Variants in CSMD1 observed in about 807,000 individuals in gnomAD.
CSMD1 encodes CUB and sushi domain-containing protein 1.
In CSMD1, 213 loss-of-function variants were observed where a neutral mutation model predicts 417.5. The ratio of observed to expected loss-of-function variants is 0.51; its 90% confidence interval spans 0.46 to 0.57. CSMD1 has a LOEUF of 0.57. CSMD1 is among the 20% of genes least tolerant of loss of function. CSMD1 has a pLI of 0.00. For synonymous variants in CSMD1, 2,862 were observed against 1,736.8 expected (o/e 1.65, Z -16.11); for missense variants, 6,923 against 4,529.7 (o/e 1.53, Z -15.17).
intron 1 of CSMD1, among the ~76,000 whole-genome samples, chr8:4,835,392 C>T (rs1022647406): frequency 6.6e-6 from 1 of 152,144 alleles, no homozygotes; most frequent in Non-Finnish European, 1.5e-5. Flanking sequence ...GGAAGCTGAG[C>T]ATATGATTTC....
At chr8:4,390,863 T>C (rs913498425) in intron 3 of CSMD1, among the ~76,000 whole-genome samples, 2 of 152,094 alleles carry the variant, frequency 1.3e-5, no homozygotes, top group Non-Finnish European at 2.9e-5. Context: ...TTTTAAGGTG[T>C]ACCTCACATG....
chr8:4,663,871 G>C (rs757417325), intron 1 of CSMD1, among the ~76,000 whole-genome samples: 3 of 152,148 alleles, frequency 2.0e-5, no homozygotes, highest in East Asian at 3.9e-4. Context: ...ACCTGGGCTG[G>C]ATCAGGAAAA....
At chr8:4,497,546 G>C (rs1047450047) in intron 2 of CSMD1, among the ~76,000 whole-genome samples, 1 of 152,198 alleles carries the variant, frequency 6.6e-6, no homozygotes, top group African/African-American at 2.4e-5. Context: ...GCTCCACTGA[G>C]GAGCAGGGAG....
chr8:3,647,701 T>C (rs1399612145), intron 7 of CSMD1, among the ~76,000 whole-genome samples: 1 of 152,196 alleles, frequency 6.6e-6, no homozygotes, highest in East Asian at 1.9e-4. Flanking sequence ...AAGACATTGA[T>C]TTTCTTTGGA....
chr8:4,858,676 G>A (rs1171141413), intron 1 of CSMD1, among the ~76,000 whole-genome samples: 1 of 151,228 alleles, frequency 6.6e-6, no homozygotes, highest in Admixed American at 6.6e-5. Flanking sequence ...TTGCTTCAAA[G>A]AGAATAAAAT....
At chr8:4,466,004 G>A (rs1200647479) in intron 2 of CSMD1, among the ~76,000 whole-genome samples, 7 of 152,214 alleles carry the variant, frequency 4.6e-5, no homozygotes, top group Non-Finnish European at 1.0e-4. Flanking sequence ...AGACATTAAA[G>A]ATGTGCAATC....
chr8:3,920,220 A>C (rs1809136621), intron 5 of CSMD1, among the ~76,000 whole-genome samples: 1 of 151,944 alleles, frequency 6.6e-6, no homozygotes, highest in African/African-American at 2.4e-5. Context: ...TTTTTAGTAA[A>C]GACAGGGTCT....
intron 46 of CSMD1, 126 bp from the exon 47 acceptor site, chr8:3,097,163 A>C: frequency 1.5e-6 from 1 of 649,366 alleles, no homozygotes; most frequent in South Asian, 2.3e-5. Flanking sequence ...CTCTGGCCAA[A>C]TTTAATACCG....
At chr8:4,006,641 G>C (rs1463504630) in intron 4 of CSMD1, among the ~76,000 whole-genome samples, 1 of 152,154 alleles carries the variant, frequency 6.6e-6, no homozygotes, top group Non-Finnish European at 1.5e-5. Flanking sequence ...AAGCAAGAGA[G>C]GGAACAGCAC....
chr8:2,960,227 A>G (rs149272656), intron 62 of CSMD1, among the ~76,000 whole-genome samples: 1,817 of 152,334 alleles, frequency 0.012, 12 homozygotes, highest in Middle Eastern at 0.024. Flanking sequence ...GTTTAAGGCA[A>G]TATTTGAGAC....
intron 15 of CSMD1, among the ~76,000 whole-genome samples, chr8:3,402,924 GA>G (rs1812127822): frequency 6.6e-6 from 1 of 151,792 alleles, no homozygotes; most frequent in Admixed American, 6.6e-5. Flanking sequence ...CATTTTCCTT[GA>G]AACACAGGTT....
At chr8:4,395,205 C>T (rs550499418) in intron 3 of CSMD1, among the ~76,000 whole-genome samples, 1 of 152,194 alleles carries the variant, frequency 6.6e-6, no homozygotes, top group Non-Finnish European at 1.5e-5. Context: ...GAGAGAACAT[C>T]AGACATCTGG....
chr8:3,737,218 T>C (rs1297253317), intron 6 of CSMD1, among the ~76,000 whole-genome samples: 3 of 133,806 alleles, frequency 2.2e-5, no homozygotes, highest in African/African-American at 2.6e-5. Context: ...GAAATTATCA[T>C]TGATTTTTTG....
chr8:4,320,824 C>G (rs1799230792), intron 3 of CSMD1, among the ~76,000 whole-genome samples: 1 of 152,126 alleles, frequency 6.6e-6, no homozygotes, highest in South Asian at 2.1e-4. Flanking sequence ...ACCCAACAAT[C>G]CCATTACTAT....
At position 3,754,034 on chromosome 8, in the gene CSMD1, C is replaced by G. The variant is rs1321357003; in HGVS notation, c.827G>C (p.Gly276Ala). Residue 276 changes from glycine to alanine, a missense_variant, in exon 6 of 70, where the codon GGC becomes GCC. Coordinates refer to ENST00000635120, the MANE Select transcript of CSMD1 (RefSeq NM_033225.6). Reference sequence around the variant, plus strand: ...GATAACTGGAGAGGGGAGGTTCATGCCAGTTAGCCTAGAGAAGAGAAAGAG... The same window carrying G: ...GATAACTGGAGAGGGGAGGTTCATGGCAGTTAGCCTAGAGAAGAGAAAGAG... ...GTEAPSIWLT[G>A]MNLPSPVISS... 1.2e-6 allele frequency: 2 copies of G among 1,610,540 alleles called. No homozygotes were observed. Among genetic ancestry groups the G allele is most frequent in the Admixed American group, 1.7e-5 (1 of 59,894 alleles).
intron 3 of CSMD1, among the ~76,000 whole-genome samples, chr8:4,377,323 G>A (rs1379085455): frequency 1.3e-5 from 2 of 152,130 alleles, no homozygotes; most frequent in African/African-American, 4.8e-5. Flanking sequence ...CAAAACCTTG[G>A]TCGGGGGAGG....
At chr8:4,409,541 TG>T (rs1394441757) in intron 3 of CSMD1, among the ~76,000 whole-genome samples, 2 of 152,192 alleles carry the variant, frequency 1.3e-5, no homozygotes, top group Non-Finnish European at 1.5e-5. Flanking sequence ...GGCAGCTCAT[TG>T]TTAATTCAGA....
chr8:4,736,583 T>C (rs1810251089), intron 1 of CSMD1, among the ~76,000 whole-genome samples: 1 of 151,958 alleles, frequency 6.6e-6, no homozygotes. Flanking sequence ...TCTAGGAAAA[T>C]GGGTTTGCAC....
intron 2 of CSMD1, among the ~76,000 whole-genome samples, chr8:4,432,214 A>G (rs1227835150): frequency 6.6e-6 from 1 of 152,212 alleles, no homozygotes; most frequent in African/African-American, 2.4e-5. Context: ...GAATTTAAAA[A>G]TTTTGTCAAA....
Sources: allele counts gnomAD v4.1 joint callset (sites outside exome capture counted in the v4.1 genomes callset), GRCh38; gene constraint gnomAD v4.1.1; transcripts MANE v1.5; gene names NCBI Gene and HGNC (gene_info 2026-07-23, HGNC 2026-07-21).